HKDC1: variants seen among roughly 807,000 people sequenced by gnomAD.
HKDC1 encodes the protein hexokinase domain containing 1, also known as hexokinase HKDC1.
In HKDC1, 66 loss-of-function variants were observed where a neutral mutation model predicts 96.6. The observed-to-expected ratio is 0.68, with a 90% CI of 0.56 to 0.84. The LOEUF (loss-of-function observed/expected upper bound fraction) is 0.84, where lower values mean the gene tolerates loss of function less well. Among genes scored for constraint, HKDC1 ranks in the 40% least tolerant of loss-of-function variants. HKDC1 has a pLI of 0.00. For missense variants in HKDC1, 1,211 were observed against 1,208.1 expected (o/e 1.00, Z -0.04); for synonymous variants, 466 against 473.1 (o/e 0.98, Z 0.20).
chr10:69,246,082 C>T lies in HKDC1; in HGVS notation c.879C>T (p.Phe293=), dbSNP rs778402618. The part of the protein sequence containing the change: ...LGSLNPGKQL[F]EKMISGLYLG... ...AGATCTGTTCACCAACCTGCAGGTT[C>T]GAGAAGATGATCAGTGGCCTGTACC... is the stretch of plus-strand genomic sequence containing the variant. Residue 293 remains phenylalanine, a synonymous_variant, in exon 8 of 18, where the codon TTC becomes TTT. Transcript: ENST00000354624. 8.1e-6 allele frequency: 13 copies of T among 1,613,840 alleles called. No homozygotes were observed. Among genetic ancestry groups the T allele is most frequent in the South Asian group, 4.4e-5 (4 of 91,062 alleles).
At chr10:69,244,138 A>G (rs1174530014) in intron 7 of HKDC1, among the ~76,000 whole-genome samples, 4 of 151,990 alleles carry the variant, frequency 2.6e-5, no homozygotes, top group Non-Finnish European at 2.9e-5. Flanking sequence ...GCTGTCCACA[A>G]TTTTTATTTT....
intron 12 of HKDC1, among the ~76,000 whole-genome samples, chr10:69,256,349 G>C (rs1316100822): frequency 1.3e-5 from 2 of 152,174 alleles, no homozygotes; most frequent in African/African-American, 4.8e-5. Flanking sequence ...TGTGAAACAT[G>C]CTTTGATAAA....
chr10:69,242,240 A>G (rs957972385), intron 6 of HKDC1, among the ~76,000 whole-genome samples: 5 of 152,138 alleles, frequency 3.3e-5, no homozygotes, highest in African/African-American at 9.7e-5. Flanking sequence ...CTTGCCAGTC[A>G]TGGCACCCGC....
intron 1 of HKDC1, among the ~76,000 whole-genome samples, chr10:69,222,488 G>A (rs1239207580): frequency 6.6e-6 from 1 of 152,160 alleles, no homozygotes; most frequent in East Asian, 1.9e-4. Flanking sequence ...CACCCCCAAG[G>A]GGGAGCCTTT....
At position 69,266,672 on chromosome 10, in the gene HKDC1, T is replaced by C; in HGVS notation, c.2669T>C (p.Met890Thr). 1.2e-6 allele frequency: 2 copies of C among 1,614,140 alleles called. No individual in the cohort carries two copies. The highest frequency in any genetic ancestry group is 1.7e-6 in the Non-Finnish European group (2 of 1,179,970). ...ELAPRCDVTF[M>T]LSEDGSGKGA... Reference sequence around the variant, plus strand: ...GCCCCTCGATGTGATGTGACATTCATGCTGTCAGAAGATGGCAGTGGAAAA... The same window carrying C: ...GCCCCTCGATGTGATGTGACATTCACGCTGTCAGAAGATGGCAGTGGAAAA... Residue 890 changes from methionine (M) to threonine (T), a missense_variant, in exon 18 of 18, where the codon ATG becomes ACG. Met to Thr is a moderately conservative substitution (Grantham distance 81, BLOSUM62 -1). Transcript: ENST00000354624.
intron 17 of HKDC1, among the ~76,000 whole-genome samples, chr10:69,266,168 A>C (rs771965115): frequency 1.7e-4 from 26 of 152,230 alleles, no homozygotes; most frequent in Non-Finnish European, 3.5e-4. Flanking sequence ...AAGAAATGTA[A>C]GTTGGCTGAG....
rs377014824 is a variant in HKDC1 at position 69,232,959 on chromosome 10, C to T, written c.375+47C>T. 365 of 1,612,316 alleles carry T rather than the reference C, an allele frequency of 2.3e-4. 4 individuals are homozygous for T. In the South Asian group the frequency reaches 2.4e-3, roughly 11 times the overall value. On this transcript the variant is annotated intron_variant, in intron 3 of 17. Transcript: ENST00000354624. The stretch of plus-strand genomic sequence containing the variant: ...TGACCGCAGGGAAGGCGGTGGCATC[C>T]GTGTGTGGGGAAACCACACCTTAGC...
Position 69,248,543 on chromosome 10 carries a change from G to C in HKDC1, c.1385G>C (p.Arg462Pro), listed in dbSNP as rs371090137. The change falls in exon 10 of 18, where the codon CGC (arginine) becomes CCC (proline). Residue 462 changes from arginine (R) to proline (P), a missense_variant. Physicochemically the swap from Arg to Pro is moderately radical, Grantham distance 103. Coordinates refer to ENST00000354624, the MANE Select transcript of HKDC1 (RefSeq NM_025130.4). ...GAAMVTAVASRVQAQRKQIDR... is the reference protein window; with the variant it reads ...GAAMVTAVASPVQAQRKQIDR... ...GCCATGGTGACCGCGGTGGCCTCCC[G>C]CGTGCAGGCCCAGCGGAAGCAGATC... 1 of 1,614,054 alleles carries C rather than the reference G, an allele frequency of 6.2e-7. No homozygotes were observed.
At chr10:69,236,832 C>G (rs770132013) in intron 4 of HKDC1, among the ~76,000 whole-genome samples, 16 of 151,544 alleles carry the variant, frequency 1.1e-4, no homozygotes, top group African/African-American at 3.6e-4. Context: ...TTTTTCTCAT[C>G]GCAGTCTAGT....
chr10:69,252,473 G>A (rs1471173071), intron 12 of HKDC1, among the ~76,000 whole-genome samples: 2 of 151,880 alleles, frequency 1.3e-5, no homozygotes, highest in East Asian at 1.9e-4. Flanking sequence ...GTGAAACCCC[G>A]TCTCTACTAA....
At chr10:69,249,760 A>G (rs1235941512) in intron 10 of HKDC1, among the ~76,000 whole-genome samples, 2 of 152,058 alleles carry the variant, frequency 1.3e-5, no homozygotes, top group Non-Finnish European at 2.9e-5. Context: ...CGGCCTCCCA[A>G]AGTGCTGGGA....
At chr10:69,257,528 C>T (rs1589416055) in intron 14 of HKDC1, 102 bp downstream of exon 14, 13 of 962,950 alleles carry the variant, frequency 1.4e-5, no homozygotes, top group Non-Finnish European at 2.0e-5. Context: ...TATACAGAGG[C>T]TCTGCCCAAG....
intron 12 of HKDC1, among the ~76,000 whole-genome samples, chr10:69,253,156 G>A (rs897635570): frequency 1.1e-4 from 17 of 152,198 alleles, no homozygotes; most frequent in African/African-American, 4.1e-4. Context: ...GCTTGACCAA[G>A]AGGTAGAGCT....
intron 10 of HKDC1, among the ~76,000 whole-genome samples, chr10:69,249,465 G>T (rs1463302369): frequency 6.6e-6 from 1 of 152,156 alleles, no homozygotes; most frequent in Non-Finnish European, 1.5e-5. Flanking sequence ...TCTCTTAACT[G>T]AGAGCAGTAA....
chr10:69,258,923 AG>A lies in HKDC1; in HGVS notation c.2182del (p.Val728TrpfsTer6). On this transcript the variant is annotated frameshift_variant, in exon 15 of 18. Transcript: ENST00000354624. LOFTEE classifies it high-confidence loss of function. ...GACATCTGGACCCGATACGACACGG[AG>A]GTGGATGAGGGGTCCTTGAATCCTG... ...IDDIWTRYDT[E>X]VDEGSLNPGK... is the part of the protein sequence containing the mutation. The A allele has an allele frequency of 6.3e-7, 1 of 1,597,540 alleles. No homozygotes were observed.
chr10:69,226,806 T>G (rs1318871614), intron 1 of HKDC1, among the ~76,000 whole-genome samples: 1 of 152,190 alleles, frequency 6.6e-6, no homozygotes, highest in African/African-American at 2.4e-5. Context: ...AGCTTCCATG[T>G]TTAGAAATCT....
rs1460166946 is a variant in HKDC1 at position 69,248,629 on chromosome 10, A to G, written c.1471A>G (p.Met491Val). Residue 491 changes from methionine (M) to valine (V), a missense_variant, in exon 10 of 18, where the codon ATG (methionine) becomes GTG (valine). Coordinates refer to ENST00000354624, the MANE Select transcript of HKDC1 (RefSeq NM_025130.4). ...REQLVDVQAK[M>V]RAELEYGLKK... ...GCAGCTCGTGGACGTGCAGGCCAAG[A>G]TGCGGGCTGAGCTGGAGTATGGGCT... 17 of 1,614,024 alleles carry G rather than the reference A, an allele frequency of 1.1e-5. No individual in the cohort carries two copies. Among genetic ancestry groups the G allele is most frequent in the Non-Finnish European group, 1.3e-5 (15 of 1,180,038 alleles).
intron 1 of HKDC1, among the ~76,000 whole-genome samples, chr10:69,221,005 C>A (rs1035554178): frequency 5.3e-5 from 8 of 152,056 alleles, no homozygotes; most frequent in African/African-American, 1.7e-4. Context: ...CAAAAATTAG[C>A]TGGGTGTGGT....
chr10:69,233,106 C>T lies in HKDC1; in HGVS notation c.468C>T (p.Phe156=). Residue 156 remains phenylalanine (F), a synonymous_variant, in exon 4 of 18, where the codon TTC becomes TTT. Coordinates refer to ENST00000354624, the MANE Select transcript of HKDC1 (RefSeq NM_025130.4). ...KKLPLGLTFS[F]PCRQTKLEEG... is the part of the protein sequence containing the mutation. ...TGCCCCTTGGCCTAACTTTTTCTTTCCCCTGTCGACAGACTAAACTGGAAG... is the reference window on the plus strand; with the variant it reads ...TGCCCCTTGGCCTAACTTTTTCTTTTCCCTGTCGACAGACTAAACTGGAAG... 1.2e-6 allele frequency: 2 copies of T among 1,614,082 alleles called. No individual in the cohort carries two copies. Among genetic ancestry groups the T allele is most frequent in the East Asian group, 2.2e-5 (1 of 44,888 alleles).
Sources: gnomAD v4.1 joint callset for allele counts (sites outside exome capture counted in the v4.1 genomes callset) on GRCh38, gnomAD v4.1.1 for gene constraint, MANE v1.5 for transcripts, NCBI Gene and HGNC (gene_info 2026-07-23, HGNC 2026-07-21) for gene names.